The following MID1 variants were observed in gnomAD, a reference collection of about 807,000 sequenced individuals.
The protein encoded by MID1 is midline 1.
MID1 carries 7 observed loss-of-function variants against 40.4 expected under a neutral mutation model. The ratio of observed to expected loss-of-function variants is 0.17; its 90% CI spans 0.10 to 0.33. The LOEUF is 0.33. Ranked by LOEUF, MID1 falls within the 10% of genes least tolerant of loss-of-function variation. MID1 has a pLI of 1.00. For missense variants in MID1, 367 were observed against 558.5 expected (o/e 0.66, Z 3.46); for synonymous variants, 229 against 221.2 (o/e 1.04, Z -0.31).
intron 2 of MID1, among the ~76,000 whole-genome samples, chrX:10,524,146 A>C (rs981568250): frequency 8.9e-6 from 1 of 112,253 alleles, no homozygotes; most frequent in African/African-American, 3.2e-5. Context: ...ATTATCCTGC[A>C]TAAGACTCTA....
chrX:10,786,071 G>A (rs1479268512), intron 1 of MID1, among the ~76,000 whole-genome samples: 1 of 111,513 alleles, frequency 9.0e-6, no homozygotes, highest in Admixed American at 9.5e-5. Context: ...CTACTCACCT[G>A]ACAAAGGGCT....
intron 1 of MID1, among the ~76,000 whole-genome samples, chrX:10,795,148 A>C (rs2043959597): frequency 8.9e-6 from 1 of 111,758 alleles, no homozygotes; most frequent in African/African-American, 3.3e-5. Flanking sequence ...TCTCCCCCCA[A>C]AATGTGACAT....
intron 1 of MID1, among the ~76,000 whole-genome samples, chrX:10,593,010 T>C (rs1935340819): frequency 8.9e-6 from 1 of 112,174 alleles, no homozygotes; most frequent in Non-Finnish European, 1.9e-5. Flanking sequence ...TTGACTTGAA[T>C]GTATAATTGT....
At chrX:10,814,504 G>A (rs969946394) in intron 1 of MID1, among the ~76,000 whole-genome samples, 1 of 110,070 alleles carries the variant, frequency 9.1e-6, no homozygotes, top group African/African-American at 3.3e-5. Flanking sequence ...CTTCACCCAG[G>A]TTCCCCCTAT....
intron 1 of MID1, among the ~76,000 whole-genome samples, chrX:10,606,860 T>C (rs1352266747): frequency 9.0e-6 from 1 of 111,134 alleles, no homozygotes; most frequent in African/African-American, 3.3e-5. Flanking sequence ...GCCTCCCAAG[T>C]AGCTGGGACT....
At chrX:10,803,810 C>T (rs1221844848) in intron 1 of MID1, among the ~76,000 whole-genome samples, 1 of 111,806 alleles carries the variant, frequency 8.9e-6, no homozygotes, top group African/African-American at 3.3e-5. Flanking sequence ...GGAAAATTCT[C>T]AGTCATTATT....
chrX:10,684,346 G>GCTTT (rs1397187903), intron 1 of MID1, among the ~76,000 whole-genome samples: 1 of 107,980 alleles, frequency 9.3e-6, no homozygotes, highest in African/African-American at 3.4e-5. Context: ...TTGCTTGCTT[G>GCTTT]CTTTCTCTCT....
At chrX:10,548,625 G>A (rs1437868343) in intron 2 of MID1, among the ~76,000 whole-genome samples, 1 of 111,951 alleles carries the variant, frequency 8.9e-6, no homozygotes, top group Non-Finnish European at 1.9e-5. Flanking sequence ...CAAGGAAAAT[G>A]ACCAGATCCA....
intron 1 of MID1, among the ~76,000 whole-genome samples, chrX:10,691,610 C>T (rs139064755): frequency 2.7e-5 from 3 of 111,767 alleles, no homozygotes; most frequent in Non-Finnish European, 3.8e-5. Context: ...TGAGAATGTA[C>T]GTCACCTCAA....
intron 1 of MID1, among the ~76,000 whole-genome samples, chrX:10,587,475 T>C (rs1014484958): frequency 3.5e-5 from 4 of 112,794 alleles, no homozygotes; most frequent in African/African-American, 9.7e-5. Context: ...CTTTGGGATA[T>C]AGCAGAGAGA....
In MID1 at chrX:10,480,530, T is replaced by C. The variant is rs73632643; in HGVS notation, c.1013+1950A>G. 5.8e-3 allele frequency among the ~76,000 whole-genome samples: 649 copies of C among 112,442 alleles called. 4 individuals carry two copies. The highest frequency in any genetic ancestry group is 0.02 in the African/African-American group (615 of 30,983). ...ACTCCTGGATTCCGGTTGGAAACCGTGACCTAAGTGTAAACGCTATCTATT... is the reference window on the plus strand; with the variant it reads ...ACTCCTGGATTCCGGTTGGAAACCGCGACCTAAGTGTAAACGCTATCTATT... On this transcript the variant is annotated intron_variant, in intron 5 of 9. Coordinates refer to ENST00000317552, the MANE Select transcript of MID1 (RefSeq NM_000381.4).
intron 1 of MID1, among the ~76,000 whole-genome samples, chrX:10,802,345 A>G (rs1272806916): frequency 2.7e-5 from 3 of 112,044 alleles, no homozygotes; most frequent in Non-Finnish European, 3.8e-5. Flanking sequence ...GTAAAAAAAC[A>G]AATAACCCAT....
At chrX:10,683,029 T>C (rs1310412937) in intron 1 of MID1, among the ~76,000 whole-genome samples, 1 of 111,288 alleles carries the variant, frequency 9.0e-6, no homozygotes, top group Non-Finnish European at 1.9e-5. Context: ...ATAGACCAGT[T>C]TAACAGTAAT....
At chrX:10,714,185 A>C (rs2043286343) in intron 1 of MID1, among the ~76,000 whole-genome samples, 1 of 112,627 alleles carries the variant, frequency 8.9e-6, no homozygotes, top group South Asian at 3.7e-4. Flanking sequence ...ATGTTCAAAA[A>C]ACTATTCTTA....
chrX:10,710,663 C>T (rs2043261168), intron 1 of MID1, among the ~76,000 whole-genome samples: 1 of 111,150 alleles, frequency 9.0e-6, no homozygotes, highest in African/African-American at 3.3e-5. Context: ...TCTTTCCTTT[C>T]TTCCTTTATC....
At chrX:10,744,275 T>C (rs749286631) in intron 1 of MID1, among the ~76,000 whole-genome samples, 99 of 112,025 alleles carry the variant, frequency 8.8e-4, no homozygotes, top group Non-Finnish European at 1.4e-3. Context: ...CACACTGAGA[T>C]GGTGCTACAG....
At chrX:10,623,422 C>T (rs1935962844), upstream of MID1, among the ~76,000 whole-genome samples, 2 of 111,473 alleles carry the variant, frequency 1.8e-5, no homozygotes, top group African/African-American at 3.3e-5. Context: ...TGTGATTAAA[C>T]ATGTTTGCAA....
chrX:10,727,284 T>C (rs1257722681), intron 1 of MID1, among the ~76,000 whole-genome samples: 2 of 110,480 alleles, frequency 1.8e-5, no homozygotes, highest in East Asian at 2.9e-4. Context: ...CCGGCTAATT[T>C]TTGTATTTTC....
chrX:10,744,724 G>A (rs760786868), intron 1 of MID1, among the ~76,000 whole-genome samples: 1 of 110,764 alleles, frequency 9.0e-6, no homozygotes, highest in Non-Finnish European at 1.9e-5. Context: ...TCAGCCCGAC[G>A]CCACCTCTCC....
Sources: allele counts gnomAD v4.1 joint callset (sites outside exome capture counted in the v4.1 genomes callset), GRCh38; gene constraint gnomAD v4.1.1; transcripts MANE v1.5; gene names NCBI Gene and HGNC (gene_info 2026-07-23, HGNC 2026-07-21).